COX7B2: variants seen among roughly 807,000 people sequenced by gnomAD.
The protein encoded by COX7B2 is cytochrome c oxidase subunit 7B2.
For synonymous variants in COX7B2, 37 were observed against 32.1 expected (o/e 1.15, Z -0.51); for missense variants, 109 against 95.9 (o/e 1.14, Z -0.57).
chr4:46,759,219 A>G (rs1157287297), intron 2 of COX7B2, among the ~76,000 whole-genome samples: 4 of 152,120 alleles, frequency 2.6e-5, no homozygotes, highest in African/African-American at 9.7e-5. Flanking sequence ...AAATACATAG[A>G]GAAACGAGGC....
intron 1 of COX7B2, among the ~76,000 whole-genome samples, chr4:46,888,661 T>C (rs922829581): frequency 6.6e-6 from 1 of 152,128 alleles, no homozygotes; most frequent in African/African-American, 2.4e-5. Context: ...TTAGTCAGGA[T>C]GGTCTCGATC....
chr4:46,784,290 T>A (rs1717634568), intron 2 of COX7B2, among the ~76,000 whole-genome samples: 1 of 152,142 alleles, frequency 6.6e-6, no homozygotes, highest in African/African-American at 2.4e-5. Context: ...AAAGTAATAC[T>A]AATTTAATAT....
chr4:46,804,423 TAG>T (rs1227575018), intron 2 of COX7B2, among the ~76,000 whole-genome samples: 4 of 152,080 alleles, frequency 2.6e-5, no homozygotes, highest in African/African-American at 4.8e-5. Context: ...TGGTCTGTTT[TAG>T]AGAGAGCTGA....
At chr4:46,822,056 C>T (rs746740432) in intron 2 of COX7B2, among the ~76,000 whole-genome samples, 6 of 152,190 alleles carry the variant, frequency 3.9e-5, no homozygotes, top group South Asian at 4.1e-4. Context: ...GGACTATAGG[C>T]GCATGCCACC....
chr4:46,827,964 A>G (rs1400988591), intron 2 of COX7B2, among the ~76,000 whole-genome samples: 2 of 152,194 alleles, frequency 1.3e-5, no homozygotes, highest in Non-Finnish European at 2.9e-5. Flanking sequence ...AAAGGTCACA[A>G]GAAAACTTTT....
intron 1 of COX7B2, among the ~76,000 whole-genome samples, chr4:46,890,257 G>C (rs376098646): frequency 3.9e-5 from 6 of 152,164 alleles, no homozygotes; most frequent in African/African-American, 1.4e-4. Flanking sequence ...CGTTCTAGTA[G>C]AGATTAGCTG....
chr4:46,820,683 T>C (rs1256036232), intron 2 of COX7B2, among the ~76,000 whole-genome samples: 1 of 151,772 alleles, frequency 6.6e-6, no homozygotes, highest in Non-Finnish European at 1.5e-5. Flanking sequence ...TAGCTGGGCA[T>C]GGTAGCACAT....
At chr4:46,810,758 T>C (rs1719246519) in intron 2 of COX7B2, among the ~76,000 whole-genome samples, 1 of 152,140 alleles carries the variant, frequency 6.6e-6, no homozygotes, top group South Asian at 2.1e-4. Flanking sequence ...TTCATATGTA[T>C]TAATGATAGT....
chr4:46,762,313 A>G (rs896980653), intron 2 of COX7B2, among the ~76,000 whole-genome samples: 1 of 75,814 alleles, frequency 1.3e-5, no homozygotes, highest in Non-Finnish European at 2.8e-5. Context: ...GTTATATAAT[A>G]TAATATATAT....
At chr4:46,758,437 A>T (rs1715930322) in intron 2 of COX7B2, among the ~76,000 whole-genome samples, 1 of 152,130 alleles carries the variant, frequency 6.6e-6, no homozygotes, top group African/African-American at 2.4e-5. Flanking sequence ...GCAAGTACCT[A>T]AAGTACAGAC....
At chr4:46,758,969 A>G (rs1379430535) in intron 2 of COX7B2, among the ~76,000 whole-genome samples, 1 of 152,256 alleles carries the variant, frequency 6.6e-6, no homozygotes, top group Admixed American at 6.6e-5. Context: ...CTAAAGGGGC[A>G]CTGGTGAAAA....
At chr4:46,893,154 T>C (rs1478333205) in intron 1 of COX7B2, among the ~76,000 whole-genome samples, 3 of 152,174 alleles carry the variant, frequency 2.0e-5, no homozygotes, top group Non-Finnish European at 4.4e-5. Context: ...AAGGAATGCC[T>C]AGTTAAACCA....
intron 2 of COX7B2, among the ~76,000 whole-genome samples, chr4:46,806,143 C>T (rs1459512410): frequency 6.6e-6 from 1 of 152,066 alleles, no homozygotes; most frequent in African/African-American, 2.4e-5. Flanking sequence ...CATGGATTCA[C>T]ATTTCCTTTT....
intron 2 of COX7B2, among the ~76,000 whole-genome samples, chr4:46,795,113 G>A (rs1483461892): frequency 2.2e-5 from 3 of 137,698 alleles, no homozygotes; most frequent in African/African-American, 6.2e-5. Flanking sequence ...TTTGTCAGAT[G>A]AGTAGGTTGC....
chr4:46,885,797 A>G (rs1484502179), intron 1 of COX7B2, among the ~76,000 whole-genome samples: 4 of 152,128 alleles, frequency 2.6e-5, no homozygotes. Context: ...AATATATAAG[A>G]AGGCAATGAA....
intron 1 of COX7B2, among the ~76,000 whole-genome samples, chr4:46,856,324 G>A (rs1289041289): frequency 2.6e-5 from 4 of 152,210 alleles, no homozygotes; most frequent in Non-Finnish European, 5.9e-5. Flanking sequence ...GGCAGAGGGT[G>A]TGACTATGGG....
At chr4:46,901,164 C>A (rs1018417659) in intron 1 of COX7B2, among the ~76,000 whole-genome samples, 1 of 152,080 alleles carries the variant, frequency 6.6e-6, no homozygotes, top group Non-Finnish European at 1.5e-5. Context: ...TTCAGATGAT[C>A]CTCGTTCATT....
chr4:46,833,231 A>G (rs563224202), intron 2 of COX7B2, among the ~76,000 whole-genome samples: 1 of 152,226 alleles, frequency 6.6e-6, no homozygotes, highest in East Asian at 1.9e-4. Context: ...TTTTCATTAT[A>G]AATTACCCAA....
chr4:46,758,171 T>C (rs1399825192), intron 2 of COX7B2, among the ~76,000 whole-genome samples: 5 of 151,920 alleles, frequency 3.3e-5, no homozygotes, highest in Non-Finnish European at 5.9e-5. Context: ...TATAACATTG[T>C]TCTATAAACA....
Sources: gnomAD v4.1 joint callset for allele counts (sites outside exome capture counted in the v4.1 genomes callset) on GRCh38, gnomAD v4.1.1 for gene constraint, MANE v1.5 for transcripts, NCBI Gene and HGNC (gene_info 2026-07-23, HGNC 2026-07-21) for gene names.